Variants in CLDN1 observed in about 807,000 individuals in gnomAD.
The protein encoded by CLDN1 is claudin-1.
Under a neutral mutation model 22.6 loss-of-function variants are expected in CLDN1, and 12 were observed. The ratio of observed to expected loss-of-function variants is 0.53; its 90% CI spans 0.34 to 0.86. The LOEUF is 0.86. Among genes scored for constraint, CLDN1 ranks in the 40% least tolerant of loss-of-function variants. CLDN1 has a pLI of 0.02. For synonymous variants in CLDN1, 99 were observed against 103.8 expected (o/e 0.95, Z 0.28); for missense variants, 250 against 269.5 (o/e 0.93, Z 0.51).
At chr3:190,314,929 A>T (rs577953502) in intron 1 of CLDN1, among the ~76,000 whole-genome samples, 1 of 152,156 alleles carries the variant, frequency 6.6e-6, no homozygotes, top group Non-Finnish European at 1.5e-5. Context: ...ATCAAAACAC[A>T]TGTTCCACGG....
chr3:190,322,349 T>C lies in CLDN1; in HGVS notation c.-143A>G. 1.3e-6 allele frequency: 1 copy of C among 771,676 alleles called. No individual in the cohort carries two copies. The highest frequency in any genetic ancestry group is 1.6e-5 in the South Asian group (1 of 63,904). The allele number at this position is 771,676 out of a possible 1,614,324, so 47.8% of individuals were successfully genotyped here. On this transcript the variant is annotated 5_prime_UTR_variant, in exon 1 of 4. Coordinates refer to ENST00000295522, the MANE Select transcript of CLDN1 (RefSeq NM_021101.5). ...GGAGCCCTGCTCGCTGCGCCGCCGC[T>C]GGAGAAGCTCTGGGTCGGGGTTGGG... is the stretch of plus-strand genomic sequence containing the variant.
chr3:190,310,960 A>AT lies in CLDN1; in HGVS notation c.389-708dup, dbSNP rs555350023. ...ATTTATAAGATGTATAAAATACTTC[A>AT]TTTTTTTATCAAAAAAGTTAAATAA... On this transcript the variant is annotated intron_variant, in intron 2 of 3. Transcript: ENST00000295522. Among the ~76,000 whole-genome samples, 33 of 152,270 alleles carry AT rather than the reference A, an allele frequency of 2.2e-4. No individual in the cohort carries two copies. The South Asian group carries it at 4.6e-3, about 21-fold the overall frequency.
Position 190,308,389 on chromosome 3 carries a change from C to G in CLDN1, c.524G>C (p.Cys175Ser). The change falls in exon 4 of 4, where the codon TGC (cysteine) becomes TCC (serine). Residue 175 changes from cysteine (C) to serine (S), a missense_variant. Physicochemically the swap from Cys to Ser is moderately radical, Grantham distance 112. Coordinates refer to ENST00000295522, the MANE Select transcript of CLDN1 (RefSeq NM_021101.5). ...LFTGWAAASL[C>S]LLGGALLCCS... ...GCAAAGTAGGGCACCTCCCAGAAGG[C>G]AGAGAGAAGCAGCAGCCCAGCCAGT... 1 of 1,613,690 alleles carries G rather than the reference C, an allele frequency of 6.2e-7. No homozygotes were observed. Among genetic ancestry groups the G allele is most frequent in the Non-Finnish European group, 8.5e-7 (1 of 1,179,820 alleles).
chr3:190,307,517 G>T lies in CLDN1; in HGVS notation c.*760C>A, dbSNP rs998556618. 2 of 152,156 alleles carry T rather than the reference G, an allele frequency of 1.3e-5. No individual in the cohort carries two copies. The highest frequency in any genetic ancestry group is 2.4e-5 in the African/African-American group (1 of 41,438). The allele number at this position is 152,156 out of a possible 1,614,324, so 9.4% of individuals were successfully genotyped here. A position where few individuals can be genotyped will look rare whatever the true frequency, so the allele number is the denominator to read the frequency against. ...AGGTCAACAGGAATTTATCACTTTG[G>T]TCATGCAGAAAGATTTGCCTCCAAA... On this transcript the variant is annotated 3_prime_UTR_variant, in exon 4 of 4. Transcript: ENST00000295522.
intron 1 of CLDN1, among the ~76,000 whole-genome samples, chr3:190,315,922 A>G (rs1716753937): frequency 6.6e-6 from 1 of 152,146 alleles, no homozygotes; most frequent in Admixed American, 6.5e-5. Flanking sequence ...AAACTACTCC[A>G]GGGCCCTTAC....
At chr3:190,315,641 CT>C (rs1716745749) in intron 1 of CLDN1, among the ~76,000 whole-genome samples, 1 of 152,168 alleles carries the variant, frequency 6.6e-6, no homozygotes, top group African/African-American at 2.4e-5. Context: ...CATAAATACT[CT>C]TTTTCAACCT....
chr3:190,312,303 A>ATT (rs11310748), intron 2 of CLDN1, among the ~76,000 whole-genome samples: 1 of 150,908 alleles, frequency 6.6e-6, no homozygotes, highest in African/African-American at 2.4e-5. Context: ...GTATTTCTGT[A>ATT]TTTTTTTTTT....
At chr3:190,316,116 T>C (rs778605451) in intron 1 of CLDN1, among the ~76,000 whole-genome samples, 5 of 152,206 alleles carry the variant, frequency 3.3e-5, no homozygotes, top group Non-Finnish European at 7.3e-5. Context: ...CCTATCAGGT[T>C]TCATTTCTCT....
chr3:190,312,187 T>G (rs1219376392), intron 2 of CLDN1, among the ~76,000 whole-genome samples: 2 of 152,052 alleles, frequency 1.3e-5, no homozygotes, highest in Non-Finnish European at 2.9e-5. Context: ...CTCCTCAGCC[T>G]CCAAAAGTGC....
At chr3:190,309,428 A>G (rs182394326) in intron 3 of CLDN1, among the ~76,000 whole-genome samples, 13 of 152,264 alleles carry the variant, frequency 8.5e-5, no homozygotes, top group African/African-American at 2.9e-4. Context: ...TATCTCTCCA[A>G]ACACTGAGGT....
chr3:190,315,116 C>G (rs1716731042), intron 1 of CLDN1, among the ~76,000 whole-genome samples: 1 of 152,150 alleles, frequency 6.6e-6, no homozygotes, highest in South Asian at 2.1e-4. Flanking sequence ...TGGGAAATAA[C>G]AAATAAAATA....
chr3:190,321,336 C>G (rs560170105), intron 1 of CLDN1, among the ~76,000 whole-genome samples: 6 of 152,254 alleles, frequency 3.9e-5, no homozygotes, highest in South Asian at 2.1e-4. Flanking sequence ...GACCTTGGGT[C>G]TGAAAATTAA....
chr3:190,312,673 T>C (rs965262724), intron 2 of CLDN1, among the ~76,000 whole-genome samples, 199 bp downstream of exon 2: 26 of 152,230 alleles, frequency 1.7e-4, no homozygotes, highest in African/African-American at 6.0e-4. Flanking sequence ...CTTCAACCAA[T>C]AGACCTGTCA....
chr3:190,322,060 C>T lies in CLDN1; in HGVS notation c.147G>A (p.Gly49=), dbSNP rs142242567. 4.1e-3 allele frequency: 6,541 copies of T among 1,614,206 alleles called. 84 individuals carry two copies. The highest frequency in any genetic ancestry group is 0.033 in the South Asian group (3,040 of 91,088). ...TCTGCGACACGCAGGACATCCACAG[C>T]CCCTCGTACATGGCCTGGGCGGTCA... The part of the protein sequence containing the change: ...NIVTAQAMYE[G]LWMSCVSQST... Residue 49 remains glycine (G), a synonymous_variant, in exon 1 of 4, where the codon GGG becomes GGA. Coordinates refer to ENST00000295522, the MANE Select transcript of CLDN1 (RefSeq NM_021101.5).
Position 190,310,168 on chromosome 3 carries a change from C to T in CLDN1, c.473+1G>A, listed in dbSNP as rs368329961. ...ACTATTTTACGCCTGAATAGCGTTA[C>T]CTGGCATTGACTGGGGTCATAGGGT... On this transcript the variant is annotated splice_donor_variant, in intron 3 of 3. Coordinates refer to ENST00000295522, the MANE Select transcript of CLDN1 (RefSeq NM_021101.5). LOFTEE classifies it high-confidence loss of function. 1 of 1,612,336 alleles carries T rather than the reference C, an allele frequency of 6.2e-7. No individual in the cohort carries two copies. The highest frequency in any genetic ancestry group is 1.3e-5 in the African/African-American group (1 of 74,874).
rs1360002043 is a variant in CLDN1 at position 190,307,361 on chromosome 3, A to C, written c.*916T>G. 1.3e-5 allele frequency: 2 copies of C among 152,214 alleles called. No individual in the cohort carries two copies. The highest frequency in any genetic ancestry group is 4.8e-5 in the African/African-American group (2 of 41,454). The allele number at this position is 152,214 out of a possible 1,614,324, so 9.4% of individuals were successfully genotyped here. ...TTAGGGGGATATAAAACTATGAATA[A>C]GTAGCTTAAAAATTCAATCAATAAA... On this transcript the variant is annotated 3_prime_UTR_variant, in exon 4 of 4. Transcript: ENST00000295522.
Position 190,308,199 on chromosome 3 carries a change from A to AG in CLDN1, c.*77dup, listed in dbSNP as rs1393270320. 3.3e-5 allele frequency: 50 copies of AG among 1,535,672 alleles called. No individual in the cohort carries two copies. The highest frequency in any genetic ancestry group is 3.7e-5 in the Non-Finnish European group (41 of 1,111,010). ...TCAGATTACAATACCCAAAATTCTA[A>AG]GGTCCTAATGTTAATGATAGTATCT... On this transcript the variant is annotated 3_prime_UTR_variant, in exon 4 of 4. Transcript: ENST00000295522.
At chr3:190,321,281 A>G (rs1481760074) in intron 1 of CLDN1, among the ~76,000 whole-genome samples, 1 of 152,128 alleles carries the variant, frequency 6.6e-6, no homozygotes, top group African/African-American at 2.4e-5. Context: ...CCTGCCACCA[A>G]CCTTCTCTTT....
intron 1 of CLDN1, among the ~76,000 whole-genome samples, chr3:190,316,152 T>A (rs1311718420): frequency 6.6e-6 from 1 of 152,138 alleles, no homozygotes; most frequent in African/African-American, 2.4e-5. Context: ...ATTTGCATAA[T>A]ACACAAAAAG....
Sources: gnomAD v4.1 joint callset for allele counts (sites outside exome capture counted in the v4.1 genomes callset) on GRCh38, gnomAD v4.1.1 for gene constraint, MANE v1.5 for transcripts, NCBI Gene and HGNC (gene_info 2026-07-23, HGNC 2026-07-21) for gene names.